CYP1B1: variants seen among roughly 807,000 people sequenced by gnomAD.
The protein encoded by CYP1B1 is cytochrome P450 1B1.
CYP1B1 carries 22 observed loss-of-function variants against 29.9 expected under a neutral mutation model. The ratio of observed to expected loss-of-function variants is 0.74; its 90% CI spans 0.53 to 1.05. The LOEUF (loss-of-function observed/expected upper bound fraction) is 1.05, where lower values mean the gene tolerates loss of function less well. CYP1B1 is among the 50% of genes least tolerant of loss of function. The pLI is 0.00. For missense variants in CYP1B1, 883 were observed against 746.9 expected (o/e 1.18, Z -2.12); for synonymous variants, 375 against 320.0 (o/e 1.17, Z -1.83).
chr2:38,075,182 C>A lies in CYP1B1; in HGVS notation c.207G>T (p.Ala69=). 4 of 1,569,234 alleles carry A rather than the reference C, an allele frequency of 2.5e-6. No individual in the cohort carries two copies. The highest frequency in any genetic ancestry group is 3.4e-6 in the Non-Finnish European group (4 of 1,164,802). Residue 69 remains alanine, a synonymous_variant, in exon 2 of 3, where the codon GCG becomes GCT. Coordinates refer to ENST00000610745, the MANE Select transcript of CYP1B1 (RefSeq NM_000104.4). The stretch of plus-strand genomic sequence containing the variant: ...CCAGGCGAGCGAACGAGAGGTGAGC[C>A]GCCTGGCCCACCGCCGCCGCGTTTC... The part of the protein sequence containing the change: ...LIGNAAAVGQ[A]AHLSFARLAR...
In CYP1B1 at chr2:38,068,406, G is replaced by C. The variant is rs552557175; in HGVS notation, c.*2316C>G. Reference sequence around the variant, plus strand: ...TCTGATGACGACTGGGCCTACATACGTAAAAACAGATTATAGCACATCTGG... The same window carrying C: ...TCTGATGACGACTGGGCCTACATACCTAAAAACAGATTATAGCACATCTGG... On this transcript the variant is annotated 3_prime_UTR_variant, in exon 3 of 3. Transcript: ENST00000610745. 4.4e-6 allele frequency: 1 copy of C among 226,800 alleles called. No individual in the cohort carries two copies. The highest frequency in any genetic ancestry group is 2.2e-5 in the African/African-American group (1 of 44,786). 14.0% of individuals were successfully genotyped at this position (226,800 alleles called of 1,614,324 possible). A position where few individuals can be genotyped will look rare whatever the true frequency, so the allele number is the denominator to read the frequency against.
chr2:38,069,512 T>C lies in CYP1B1; in HGVS notation c.*1210A>G, dbSNP rs1349962120. ...TAAGCATGCCATGAATTTGGAATTT[T>C]AATATATTAATTAGGTTATTTTCAA... On this transcript the variant is annotated 3_prime_UTR_variant, in exon 3 of 3. Coordinates refer to ENST00000610745, the MANE Select transcript of CYP1B1 (RefSeq NM_000104.4). The C allele has an allele frequency of 1.0e-5, 2 of 197,496 alleles. No individual in the cohort carries two copies. The highest frequency in any genetic ancestry group is 2.1e-5 in the Non-Finnish European group (2 of 95,464). 12.2% of individuals were successfully genotyped at this position (197,496 alleles called of 1,614,324 possible).
chr2:38,074,297 C>T (rs754926722), intron 2 of CYP1B1, 49 bp downstream of exon 2: 2 of 1,592,738 alleles, frequency 1.3e-6, no homozygotes, highest in Non-Finnish European at 1.7e-6. Context: ...CTCTACTCCG[C>T]CTTTTTCAGA....
At chr2:38,072,410 G>T in intron 2 of CYP1B1, among the ~76,000 whole-genome samples, 1 of 151,672 alleles carries the variant, frequency 6.6e-6, no homozygotes, top group East Asian at 1.9e-4. Flanking sequence ...TGCAATCAAG[G>T]CCAATGACCA....
In CYP1B1 at chr2:38,075,072, G is replaced by C. The variant is rs779730090; in HGVS notation, c.317C>G (p.Ala106Gly). 5.7e-6 allele frequency: 9 copies of C among 1,583,686 alleles called. No homozygotes were observed. The South Asian group carries it at 1.0e-4, about 18-fold the overall frequency. ...VLNGERAIHQ[A>G]LVQQGSAFAD... ...GAAGGCCGAGCCCTGCTGCACCAGG[G>C]CCTGGTGGATGGCGCGCTCGCCATT... The change falls in exon 2 of 3, where the codon GCC becomes GGC. Residue 106 changes from alanine (A) to glycine (G), a missense_variant. Ala to Gly is a moderately conservative substitution (Grantham distance 60). Coordinates refer to ENST00000610745, the MANE Select transcript of CYP1B1 (RefSeq NM_000104.4).
chr2:38,073,709 T>C (rs960648912), intron 2 of CYP1B1: 10 of 152,652 alleles, frequency 6.6e-5, no homozygotes, highest in African/African-American at 2.4e-4. Context: ...CTGCTTCTTG[T>C]CTTCTACCCC....
chr2:38,075,671 A>G (rs1278528417), intron 1 of CYP1B1, 109 bp downstream of exon 1: 1 of 548,292 alleles, frequency 1.8e-6, no homozygotes, highest in Non-Finnish European at 3.3e-6. Context: ...CGCTGCGGGC[A>G]TCGAGGCGGT....
Position 38,074,864 on chromosome 2 carries a change from GCGC to G in CYP1B1, c.522_524del (p.Arg175del). ...CGCGCACCAGCAGCGCCACCAGCTC[GCGC>G]GCCTCGCTCAGCACGTGGCCCTCGA... On this transcript the variant is annotated inframe_deletion, in exon 2 of 3. Coordinates refer to ENST00000610745, the MANE Select transcript of CYP1B1 (RefSeq NM_000104.4). 1 of 1,549,362 alleles carries G rather than the reference GCGC, an allele frequency of 6.5e-7. No individual in the cohort carries two copies. Among genetic ancestry groups the G allele is most frequent in the Non-Finnish European group, 8.7e-7 (1 of 1,149,398 alleles).
In CYP1B1 at chr2:38,074,445, A is replaced by G. The variant is rs112059845; in HGVS notation, c.944T>C (p.Leu315Pro). Residue 315 changes from leucine to proline, a missense_variant, in exon 2 of 3, where the codon CTG (leucine) becomes CCG (proline). Coordinates refer to ENST00000610745, the MANE Select transcript of CYP1B1 (RefSeq NM_000104.4). ...AGTGGCCGGTACGTTCTCCAAATCC[A>G]GCCGCGCGCCACCACCGTGCGAGTC... Reference protein sequence around the residue: ...AGDSHGGGARLDLENVPATIT... With the variant: ...AGDSHGGGARPDLENVPATIT... 5 of 1,613,178 alleles carry G rather than the reference A, an allele frequency of 3.1e-6. No individual in the cohort carries two copies. The highest frequency in any genetic ancestry group is 2.7e-5 in the African/African-American group (2 of 75,018).
At chr2:38,075,543 TC>T in intron 1 of CYP1B1, 154 bp from the exon 2 acceptor site, 1 of 724,626 alleles carries the variant, frequency 1.4e-6, no homozygotes, top group Non-Finnish European at 2.3e-6. Context: ...CCCCTTCCCA[TC>T]CCCAACCCAC....
chr2:38,071,345 G>A, intron 2 of CYP1B1, 35 bp from the exon 3 acceptor site: 1 of 1,590,300 alleles, frequency 6.3e-7, no homozygotes, highest in Non-Finnish European at 8.6e-7. Context: ...AGAAAAGCAA[G>A]TGAGCAAAAT....
chr2:38,074,711 G>A lies in CYP1B1; in HGVS notation c.678C>T (p.Ser226=), dbSNP rs762602306. The A allele has an allele frequency of 6.2e-7, 1 of 1,611,400 alleles. No individual in the cohort carries two copies. The highest frequency in any genetic ancestry group is 8.5e-7 in the Non-Finnish European group (1 of 1,179,564). Residue 226 remains serine, a synonymous_variant, in exon 2 of 3, where the codon AGC becomes AGT. Coordinates refer to ENST00000610745, the MANE Select transcript of CYP1B1 (RefSeq NM_000104.4). ...HDDPEFRELL[S]HNEEFGRTVG... is the part of the protein sequence containing the mutation. ...CCGTGCGCCCGAACTCTTCGTTGTG[G>A]CTGAGCAGCTCACGGAACTCGGGGT...
intron 2 of CYP1B1, among the ~76,000 whole-genome samples, chr2:38,072,142 TTTAAACCCAGTAA>T (rs1490332019): frequency 3.3e-5 from 5 of 152,200 alleles, no homozygotes; most frequent in Non-Finnish European, 7.3e-5. Context: ...CCCGCCTCAT[TTTAAACCCAGTAA>T]TCCATGCCTA....
Position 38,075,397 on chromosome 2 carries a change from C to G in CYP1B1, c.-1-8G>C. 6.2e-7 allele frequency: 1 copy of G among 1,611,452 alleles called. No homozygotes were observed. Among genetic ancestry groups the G allele is most frequent in the Non-Finnish European group, 8.5e-7 (1 of 1,179,836 alleles). On this transcript the variant is annotated splice_region_variant and splice_polypyrimidine_tract_variant and intron_variant, in intron 1 of 2. Transcript: ENST00000610745. The stretch of plus-strand genomic sequence containing the variant: ...CTGAGGCTGGTGCCCATGCTGGGGA[C>G]AGAGAGGAGAAGGCGTGACACTCAG...
chr2:38,074,649 A>G lies in CYP1B1; in HGVS notation c.740T>C (p.Leu247Pro). 6.2e-7 allele frequency: 1 copy of G among 1,613,428 alleles called. No individual in the cohort carries two copies. Among genetic ancestry groups the G allele is most frequent in the Non-Finnish European group, 8.5e-7 (1 of 1,180,024 alleles). ...AGSLVDVMPWLQYFPNPVRTV... is the reference protein window; with the variant it reads ...AGSLVDVMPWPQYFPNPVRTV... Reference sequence around the variant, plus strand: ...GCGCACCGGGTTGGGGAAGTACTGCAGCCAGGGCATCACGTCCACCAGGCT... The same window carrying G: ...GCGCACCGGGTTGGGGAAGTACTGCGGCCAGGGCATCACGTCCACCAGGCT... The change falls in exon 2 of 3, where the codon CTG becomes CCG. Residue 247 changes from leucine to proline, a missense_variant. Coordinates refer to ENST00000610745, the MANE Select transcript of CYP1B1 (RefSeq NM_000104.4).
intron 2 of CYP1B1, among the ~76,000 whole-genome samples, chr2:38,073,114 C>G (rs1030071610): frequency 6.6e-6 from 1 of 152,124 alleles, no homozygotes; most frequent in Non-Finnish European, 1.5e-5. Context: ...TTTCTTTATT[C>G]GATTTCTGCC....
Position 38,075,140 on chromosome 2 carries a change from G to T in CYP1B1, c.249C>A (p.Asp83Glu). Residue 83 changes from aspartate (D) to glutamate (E), a missense_variant, in exon 2 of 3, where the codon GAC becomes GAA. By Grantham distance (45) the Asp-to-Glu change is conservative. Transcript: ENST00000610745. Reference sequence around the variant, plus strand: ...AGCTGCCCAGGCGGATCTGGAAAACGTCGCCGTAGCGCCGCGCCAGGCGAG... The same window carrying T: ...AGCTGCCCAGGCGGATCTGGAAAACTTCGCCGTAGCGCCGCGCCAGGCGAG... ...SFARLARRYGDVFQIRLGSCP... is the reference protein window; with the variant it reads ...SFARLARRYGEVFQIRLGSCP... 6.3e-7 allele frequency: 1 copy of T among 1,576,218 alleles called. No homozygotes were observed. Among genetic ancestry groups the T allele is most frequent in the Non-Finnish European group, 8.6e-7 (1 of 1,168,762 alleles).
Position 38,075,264 on chromosome 2 carries a change from TGCCTCAGCAGCCGCTG to T in CYP1B1, c.109_124del (p.Gln37AsnfsTer18). The stretch of plus-strand genomic sequence containing the variant: ...CGCGGACCGGAGCTGCCGCCTCCGT[TGCCTCAGCAGCCGCTG>T]GCCCACATGCACAGTGGCCAGCACC... On this transcript the variant is annotated frameshift_variant, in exon 2 of 3. Transcript: ENST00000610745. LOFTEE classifies it high-confidence loss of function. The T allele has an allele frequency of 6.2e-7, 1 of 1,603,932 alleles. No homozygotes were observed. The highest frequency in any genetic ancestry group is 8.5e-7 in the Non-Finnish European group (1 of 1,177,696).
rs1450624969 is a variant in CYP1B1 at position 38,067,845 on chromosome 2, T to G, written c.*2877A>C. On this transcript the variant is annotated 3_prime_UTR_variant, in exon 3 of 3. Transcript: ENST00000610745. ...AAGGTATCCTTGAGTTATAAATGTC[T>G]ACTAAAGTATACCTTTTAATCACAC... 1 of 186,468 alleles carries G rather than the reference T, an allele frequency of 5.4e-6. No homozygotes were observed. The highest frequency in any genetic ancestry group is 1.1e-5 in the Non-Finnish European group (1 of 87,940). The allele number at this position is 186,468 out of a possible 1,614,324, so 11.6% of individuals were successfully genotyped here. A position where few individuals can be genotyped will look rare whatever the true frequency, so the allele number is the denominator to read the frequency against.
Sources: gnomAD v4.1 joint callset for allele counts (sites outside exome capture counted in the v4.1 genomes callset) on GRCh38, gnomAD v4.1.1 for gene constraint, MANE v1.5 for transcripts, NCBI Gene and HGNC (gene_info 2026-07-23, HGNC 2026-07-21) for gene names.